ZNF385D: variants seen among roughly 807,000 people sequenced by gnomAD.
ZNF385D encodes zinc finger protein 385D.
A neutral mutation model predicts 35.8 loss-of-function variants in ZNF385D; 15 were observed. That is an observed-to-expected ratio of 0.42 (90% CI 0.28 to 0.64). The LOEUF is 0.64. Among genes scored for constraint, ZNF385D ranks in the 30% least tolerant of loss-of-function variants. The pLI, the probability that ZNF385D is intolerant of heterozygous loss-of-function variation, is 0.23. For missense variants in ZNF385D, 474 were observed against 494.6 expected (o/e 0.96, Z 0.39); for synonymous variants, 212 against 186.8 (o/e 1.13, Z -1.10).
chr3:21,478,039 T>C (rs942603151), intron 4 of ZNF385D, among the ~76,000 whole-genome samples: 1 of 152,104 alleles, frequency 6.6e-6, no homozygotes, highest in East Asian at 1.9e-4. Flanking sequence ...TACTTCCTCA[T>C]CCCTAATGAG....
At chr3:22,071,795 C>A (rs1209138632) in intron 3 of ZNF385D, among the ~76,000 whole-genome samples, 10 of 152,074 alleles carry the variant, frequency 6.6e-5, no homozygotes, top group Non-Finnish European at 1.5e-5. Context: ...GTTTTCTCCT[C>A]CTGGCCATGC....
At chr3:21,562,678 T>C (rs1482267900) in intron 3 of ZNF385D, among the ~76,000 whole-genome samples, 2 of 152,218 alleles carry the variant, frequency 1.3e-5, no homozygotes, top group African/African-American at 2.4e-5. Flanking sequence ...GATCAGTTTC[T>C]AAGTGAAATA....
chr3:21,815,266 T>C (rs1394665423), intron 3 of ZNF385D, among the ~76,000 whole-genome samples: 3 of 151,866 alleles, frequency 2.0e-5, no homozygotes, highest in African/African-American at 7.3e-5. Flanking sequence ...AACATCACAA[T>C]TAAAAGAACT....
At chr3:21,450,154 C>T (rs555884130) in intron 4 of ZNF385D, among the ~76,000 whole-genome samples, 16 of 152,136 alleles carry the variant, frequency 1.1e-4, no homozygotes, top group Non-Finnish European at 1.8e-4. Flanking sequence ...GAGGAGGGTG[C>T]TCATGGTCAC....
chr3:21,988,709 T>C (rs1393108564), intron 3 of ZNF385D, among the ~76,000 whole-genome samples: 73 of 151,870 alleles, frequency 4.8e-4, no homozygotes, highest in African/African-American at 1.6e-3. Context: ...AGTTGGAGCT[T>C]CCTGGCTGCT....
intron 4 of ZNF385D, chr3:21,441,783 T>C (rs1418088323): frequency 2.1e-6 from 2 of 973,666 alleles, no homozygotes; most frequent in East Asian, 1.1e-4. Flanking sequence ...TCGCTTTTCT[T>C]ACTGTTTCCC....
intron 3 of ZNF385D, among the ~76,000 whole-genome samples, chr3:21,758,012 C>T (rs2070424972): frequency 6.6e-6 from 1 of 152,126 alleles, no homozygotes; most frequent in South Asian, 2.1e-4. Context: ...ACCAAGAATG[C>T]CCTTTTCTGT....
chr3:21,947,331 T>C (rs1471749787), intron 3 of ZNF385D, among the ~76,000 whole-genome samples: 1 of 150,410 alleles, frequency 6.6e-6, no homozygotes, highest in African/African-American at 2.5e-5. Context: ...CAAGGCTCTT[T>C]CATGTATTTT....
chr3:21,650,821 T>A (rs966666323), intron 2 of ZNF385D, among the ~76,000 whole-genome samples: 72 of 152,150 alleles, frequency 4.7e-4, no homozygotes, highest in African/African-American at 1.7e-3. Context: ...TGGCCTTAAA[T>A]AGAGTGGAAG....
Position 21,413,001 on chromosome 3 carries a change from C to T in ZNF385D, c.*8213G>A, listed in dbSNP as rs76684079. 1 of 150,822 alleles carries T rather than the reference C, an allele frequency of 6.6e-6. No individual in the cohort carries two copies. The highest frequency in any genetic ancestry group is 6.6e-5 in the Admixed American group (1 of 15,088). The allele number at this position is 150,822 out of a possible 1,614,324, so 9.3% of individuals were successfully genotyped here. ...AAACAGAAGACTGGCATAAAACAAACTATGTGAATTGCCTTAATTATTATT... is the reference window on the plus strand; with the variant it reads ...AAACAGAAGACTGGCATAAAACAAATTATGTGAATTGCCTTAATTATTATT... On this transcript the variant is annotated 3_prime_UTR_variant, in exon 8 of 8. Coordinates refer to ENST00000281523, the MANE Select transcript of ZNF385D (RefSeq NM_024697.3).
At position 22,136,755 on chromosome 3, in the gene ZNF385D, A is replaced by T. The variant is rs760530123; in HGVS notation, c.325+32062T>A. The stretch of plus-strand genomic sequence containing the variant: ...TCAAAAAATGAAATATTATTCAGTG[A>T]TAAAAAGAAGAGAACTGTCAAGCCA... On this transcript the variant is annotated intron_variant, in intron 3 of 5. Coordinates refer to the ZNF385D transcript ENST00000494108. Among the ~76,000 whole-genome samples the T allele has an allele frequency of 7.5e-4, 114 of 152,178 alleles. 2 individuals are homozygous for T. The highest frequency in any genetic ancestry group is 3.3e-4 in the Admixed American group (5 of 15,262).
At chr3:21,788,145 G>A (rs2071778509) in intron 3 of ZNF385D, among the ~76,000 whole-genome samples, 1 of 151,836 alleles carries the variant, frequency 6.6e-6, no homozygotes, top group Non-Finnish European at 1.5e-5. Context: ...ACTATTAGAA[G>A]GTTAAGTTAA....
intron 3 of ZNF385D, among the ~76,000 whole-genome samples, chr3:22,166,186 C>T (rs1314103787): frequency 1.4e-4 from 18 of 126,942 alleles, no homozygotes; most frequent in Admixed American, 1.4e-3. Context: ...TGGCCTACAT[C>T]ATGTTACTAA....
At chr3:22,025,823 G>A (rs1217399448) in intron 3 of ZNF385D, among the ~76,000 whole-genome samples, 1 of 152,130 alleles carries the variant, frequency 6.6e-6, no homozygotes, top group Non-Finnish European at 1.5e-5. Context: ...CCTTGTGAGG[G>A]CAGCACCTGC....
rs908219070 is a variant in ZNF385D at position 22,331,924 on chromosome 3, G to A, written c.106+40526C>T. On this transcript the variant is annotated intron_variant, in intron 2 of 5. Transcript: ENST00000494108. Reference sequence around the variant, plus strand: ...ATGTGGATTCCTGGCACAGGCACTTGATTTAAAATTTGTGGTCTTGCTTTT... The same window carrying A: ...ATGTGGATTCCTGGCACAGGCACTTAATTTAAAATTTGTGGTCTTGCTTTT... Among the ~76,000 whole-genome samples, 16 of 152,232 alleles carry A rather than the reference G, an allele frequency of 1.1e-4. No individual in the cohort carries two copies. The East Asian group carries it at 3.1e-3, about 29-fold the overall frequency.
chr3:22,336,909 C>CAAAAAAA (rs59822476), intron 2 of ZNF385D, among the ~76,000 whole-genome samples: 4,342 of 47,812 alleles, frequency 0.091, 1,493 homozygotes, highest in Middle Eastern at 0.13. Context: ...AGTGATTTTT[C>CAAAAAAA]AAAAAAAAAA....
intron 2 of ZNF385D, among the ~76,000 whole-genome samples, chr3:22,293,174 C>T (rs867743024): frequency 7.9e-5 from 12 of 152,042 alleles, no homozygotes; most frequent in Non-Finnish European, 7.4e-5. Flanking sequence ...CAAACCTAAT[C>T]CTAGTTATTA....
At chr3:21,623,166 C>G (rs1380675238) in intron 2 of ZNF385D, among the ~76,000 whole-genome samples, 2 of 152,008 alleles carry the variant, frequency 1.3e-5, no homozygotes, top group Non-Finnish European at 2.9e-5. Context: ...AAAGCACCTG[C>G]CCCACTGGGT....
chr3:22,325,126 T>C (rs1312643958), intron 2 of ZNF385D, among the ~76,000 whole-genome samples: 2 of 152,222 alleles, frequency 1.3e-5, no homozygotes, highest in African/African-American at 4.8e-5. Context: ...ATTACCACAA[T>C]AAATACTACT....
Sources: gnomAD v4.1 joint callset for allele counts (sites outside exome capture counted in the v4.1 genomes callset) on GRCh38, gnomAD v4.1.1 for gene constraint, MANE v1.5 for transcripts, NCBI Gene and HGNC (gene_info 2026-07-23, HGNC 2026-07-21) for gene names.